CSMD1: variants seen among roughly 807,000 people sequenced by gnomAD.
CSMD1 encodes CUB and Sushi multiple domains 1.
A neutral mutation model predicts 417.5 loss-of-function variants in CSMD1; 213 were observed. The observed-to-expected ratio is 0.51, with a 90% CI of 0.46 to 0.57. CSMD1 has a LOEUF of 0.57. CSMD1 is among the 20% of genes least tolerant of loss of function. The pLI is 0.00. For missense variants in CSMD1, 6,923 were observed against 4,529.7 expected (o/e 1.53, Z -15.17); for synonymous variants, 2,862 against 1,736.8 (o/e 1.65, Z -16.11).
At chr8:3,686,879 T>C (rs560269465) in intron 7 of CSMD1, among the ~76,000 whole-genome samples, 3 of 152,330 alleles carry the variant, frequency 2.0e-5, no homozygotes, top group Non-Finnish European at 4.4e-5. Context: ...TAATCTTTCT[T>C]ATGTCGATTT....
chr8:3,215,422 T>A (rs11992709), intron 29 of CSMD1, among the ~76,000 whole-genome samples: 2 of 151,958 alleles, frequency 1.3e-5, no homozygotes, highest in African/African-American at 4.8e-5. Context: ...GTACCAGACA[T>A]GGAACTAGGT....
intron 26 of CSMD1, among the ~76,000 whole-genome samples, chr8:3,246,285 C>T (rs1799875818): frequency 6.6e-6 from 1 of 152,114 alleles, no homozygotes. Flanking sequence ...TCTCATTCCT[C>T]ACATGGGACT....
At chr8:2,965,717 A>G in intron 59 of CSMD1, 58 bp downstream of exon 59, 1 of 1,462,336 alleles carries the variant, frequency 6.8e-7, no homozygotes, top group Non-Finnish European at 9.3e-7. Flanking sequence ...TAAACAAAGC[A>G]TAATTCAATA....
rs116383407 is a variant in CSMD1, at chr8:4,703,037, T to C, written c.86-65479A>G. Among the ~76,000 whole-genome samples, 951 of 152,342 alleles carry C rather than the reference T, an allele frequency of 6.2e-3. 5 individuals are homozygous for C. Among genetic ancestry groups the C allele is most frequent in the Middle Eastern group, 0.037 (11 of 294 alleles). ...AAGAATCTGGCGATATTTTTATTTA[T>C]AATGTTCACAGTTTAGGGTTAAGCA... On this transcript the variant is annotated intron_variant, in intron 1 of 69. Coordinates refer to ENST00000635120, the MANE Select transcript of CSMD1 (RefSeq NM_033225.6).
rs532976609 is a variant in CSMD1 at position 3,819,575 on chromosome 8, C to T, written c.819-65533G>A. Among the ~76,000 whole-genome samples, 10 of 146,442 alleles carry T rather than the reference C, an allele frequency of 6.8e-5. No individual in the cohort carries two copies. In the East Asian group the frequency reaches 1.0e-3, roughly 15 times the overall value. The stretch of plus-strand genomic sequence containing the variant: ...ACACACACACACGTATGTATATAAA[C>T]GCCAACATGCGTAACATATATATGC... On this transcript the variant is annotated intron_variant, in intron 5 of 69. Coordinates refer to ENST00000635120, the MANE Select transcript of CSMD1 (RefSeq NM_033225.6).
intron 2 of CSMD1, among the ~76,000 whole-genome samples, chr8:4,455,956 A>AAAAAAAAAAAAAAAAAAAC (rs1472713223): frequency 7.0e-6 from 1 of 142,768 alleles, no homozygotes; most frequent in Non-Finnish European, 1.5e-5. Context: ...AAAAAAAAAA[A>AAAAAAAAAAAAAAAAAAAC]AAAAAAATGC....
chr8:4,641,638 C>T (rs1017406364), intron 1 of CSMD1, among the ~76,000 whole-genome samples: 7 of 152,138 alleles, frequency 4.6e-5, no homozygotes, highest in South Asian at 2.1e-4. Context: ...TAGAGCCGTC[C>T]CACCAAACCC....
At chr8:4,583,629 T>G (rs911499646) in intron 2 of CSMD1, among the ~76,000 whole-genome samples, 2 of 152,190 alleles carry the variant, frequency 1.3e-5, no homozygotes, top group African/African-American at 4.8e-5. Flanking sequence ...TGGTGGGGCC[T>G]TGGAGAACCT....
At chr8:4,355,167 C>G (rs945507025) in intron 3 of CSMD1, among the ~76,000 whole-genome samples, 3 of 151,906 alleles carry the variant, frequency 2.0e-5, no homozygotes, top group African/African-American at 7.3e-5. Flanking sequence ...GAGGCTGAGG[C>G]AGGAGAATGG....
rs553867497 is a variant in CSMD1 at position 3,575,817 on chromosome 8, T to G, written c.1223-751A>C. Among the ~76,000 whole-genome samples, 27 of 149,562 alleles carry G rather than the reference T, an allele frequency of 1.8e-4. No homozygotes were observed. The Middle Eastern group carries it at 0.014, about 75-fold the overall frequency. ...ACTTAGTCTGGAATACAAAAATAATTTAATTGGCCTCCAGTTTATGAAAGG... is the reference window on the plus strand; with the variant it reads ...ACTTAGTCTGGAATACAAAAATAATGTAATTGGCCTCCAGTTTATGAAAGG... On this transcript the variant is annotated intron_variant, in intron 9 of 69. Coordinates refer to ENST00000635120, the MANE Select transcript of CSMD1 (RefSeq NM_033225.6).
chr8:3,617,327 T>A lies in CSMD1; in HGVS notation c.1010-530A>T, dbSNP rs375986917. ...AATGCACTGATTTATTTCTCGAATT[T>A]CATGGAAAAACTTTTCTCCTGTTGG... On this transcript the variant is annotated intron_variant, in intron 7 of 69. Coordinates refer to ENST00000635120, the MANE Select transcript of CSMD1 (RefSeq NM_033225.6). Among the ~76,000 whole-genome samples the A allele has an allele frequency of 1.5e-4, 23 of 152,360 alleles. No homozygotes were observed. The South Asian group carries it at 3.9e-3, about 26-fold the overall frequency.
chr8:4,978,327 T>C (rs1038966212), intron 1 of CSMD1, among the ~76,000 whole-genome samples: 5 of 152,124 alleles, frequency 3.3e-5, no homozygotes, highest in Admixed American at 1.3e-4. Flanking sequence ...CAGGACACTC[T>C]AATCTTGGAA....
At chr8:3,488,761 G>A (rs1318817547) in intron 11 of CSMD1, among the ~76,000 whole-genome samples, 1 of 152,122 alleles carries the variant, frequency 6.6e-6, no homozygotes, top group South Asian at 2.1e-4. Context: ...CAAGAACAGG[G>A]TTCAAACAGT....
chr8:3,805,807 G>A (rs1450043358), intron 5 of CSMD1, among the ~76,000 whole-genome samples: 1 of 152,100 alleles, frequency 6.6e-6, no homozygotes, highest in African/African-American at 2.4e-5. Flanking sequence ...ACTCTGTGCA[G>A]AATTACCATT....
chr8:4,694,918 A>C (rs1344133182), intron 1 of CSMD1, among the ~76,000 whole-genome samples: 2 of 152,172 alleles, frequency 1.3e-5, no homozygotes, highest in South Asian at 4.1e-4. Context: ...ATAGCCAAGG[A>C]AACTTCTCTA....
intron 2 of CSMD1, among the ~76,000 whole-genome samples, chr8:4,426,224 C>A (rs543332561): frequency 1.3e-5 from 2 of 151,726 alleles, no homozygotes; most frequent in African/African-American, 4.8e-5. Flanking sequence ...CTATAGTTAC[C>A]GGACAAGTTT....
chr8:3,829,501 T>C (rs574451673), intron 5 of CSMD1, among the ~76,000 whole-genome samples: 16 of 152,274 alleles, frequency 1.1e-4, no homozygotes, highest in South Asian at 4.2e-4. Flanking sequence ...TATTTTTCCT[T>C]TGTCCCTCTG....
At chr8:3,196,541 T>A (rs532255725) in intron 33 of CSMD1, among the ~76,000 whole-genome samples, 1 of 152,310 alleles carries the variant, frequency 6.6e-6, no homozygotes, top group East Asian at 1.9e-4. Flanking sequence ...TTACAGATAC[T>A]CTTATACTTC....
Position 3,517,596 on chromosome 8 carries a change from G to A in CSMD1, c.1345-23870C>T, listed in dbSNP as rs559682967. On this transcript the variant is annotated intron_variant, in intron 10 of 69. Coordinates refer to ENST00000635120, the MANE Select transcript of CSMD1 (RefSeq NM_033225.6). ...CTGTCCTCTGCAATACCAAATACAG[G>A]CTGAGGGAATAATATTTACTATACG... 6.6e-5 allele frequency among the ~76,000 whole-genome samples: 10 copies of A among 152,286 alleles called. No homozygotes were observed. In the South Asian group the frequency reaches 1.9e-3, roughly 28 times the overall value.
Sources: allele counts gnomAD v4.1 joint callset (sites outside exome capture counted in the v4.1 genomes callset), GRCh38; gene constraint gnomAD v4.1.1; transcripts MANE v1.5; gene names NCBI Gene and HGNC (gene_info 2026-07-23, HGNC 2026-07-21).